THSD7B: variants seen among roughly 807,000 people sequenced by gnomAD.
THSD7B encodes thrombospondin type-1 domain-containing protein 7B.
Under a neutral mutation model 213.6 loss-of-function variants are expected in THSD7B, and 138 were observed. The observed-to-expected ratio is 0.65, with a 90% CI of 0.56 to 0.74. The LOEUF is 0.74. THSD7B is among the 30% of genes least tolerant of loss of function. The pLI is 0.00. For synonymous variants in THSD7B, 742 were observed against 687.0 expected, an observed-to-expected ratio of 1.08 and a Z score of -1.25; for missense variants, 1,931 against 1,991.5, an observed-to-expected ratio of 0.97 and a Z score of 0.58.
chr2:137,024,133 C>T (rs1022071585), intron 2 of THSD7B, among the ~76,000 whole-genome samples: 3 of 152,104 alleles, frequency 2.0e-5, no homozygotes, highest in Admixed American at 2.0e-4. Context: ...CATTTATTTG[C>T]ATTTGTTTTA....
At chr2:137,374,963 C>T (rs1340862671) in intron 12 of THSD7B, among the ~76,000 whole-genome samples, 1 of 152,132 alleles carries the variant, frequency 6.6e-6, no homozygotes, top group Non-Finnish European at 1.5e-5. Flanking sequence ...GTGCTTGGAT[C>T]GTGGACATTG....
intron 12 of THSD7B, among the ~76,000 whole-genome samples, chr2:137,392,421 G>C (rs1291746664): frequency 6.6e-6 from 1 of 151,972 alleles, no homozygotes; most frequent in Non-Finnish European, 1.5e-5. Flanking sequence ...TTATGAATCT[G>C]GGTGTTCCGG....
At chr2:137,161,751 TC>T (rs1238211053) in intron 6 of THSD7B, among the ~76,000 whole-genome samples, 10 of 152,280 alleles carry the variant, frequency 6.6e-5, no homozygotes, top group African/African-American at 2.4e-4. Flanking sequence ...CAAATAAGTT[TC>T]CATTTATACT....
At chr2:137,459,852 G>A (rs1320149003) in intron 15 of THSD7B, among the ~76,000 whole-genome samples, 1 of 152,030 alleles carries the variant, frequency 6.6e-6, no homozygotes, top group Non-Finnish European at 1.5e-5. Context: ...CTGTAGTTCA[G>A]TACACTTAGA....
chr2:137,029,796 C>G (rs10199540), intron 2 of THSD7B, among the ~76,000 whole-genome samples: 10,924 of 152,150 alleles, frequency 0.072, 426 homozygotes, highest in East Asian at 0.15. Context: ...TCCTAAGTTA[C>G]TTGATAATGG....
chr2:136,824,122 G>A (rs144432020), intron 1 of THSD7B, among the ~76,000 whole-genome samples: 2 of 152,036 alleles, frequency 1.3e-5, no homozygotes, highest in Admixed American at 1.3e-4. Flanking sequence ...TTTTCCAAAG[G>A]TACAAAGGCA....
intron 12 of THSD7B, among the ~76,000 whole-genome samples, chr2:137,314,267 T>G (rs1280200191): frequency 6.6e-6 from 1 of 152,200 alleles, no homozygotes. Context: ...TCATCTTCCA[T>G]CACTGATACC....
chr2:137,012,314 T>G (rs1686246705), intron 2 of THSD7B, among the ~76,000 whole-genome samples: 1 of 152,190 alleles, frequency 6.6e-6, no homozygotes, highest in South Asian at 2.1e-4. Context: ...AAATATGGTC[T>G]TCTATTTCAT....
intron 2 of THSD7B, among the ~76,000 whole-genome samples, chr2:136,956,746 C>T (rs1163485993): frequency 6.6e-6 from 1 of 150,940 alleles, no homozygotes; most frequent in Non-Finnish European, 1.5e-5. Context: ...GTTGCACAAT[C>T]TCAGGTCACT....
At chr2:136,998,286 GA>G (rs1380094691) in intron 2 of THSD7B, among the ~76,000 whole-genome samples, 3 of 130,060 alleles carry the variant, frequency 2.3e-5, no homozygotes, top group South Asian at 2.5e-4. Context: ...AAAAAAGAAA[GA>G]AAAAAAGAAA....
At chr2:136,988,664 A>G (rs1311795502) in intron 2 of THSD7B, among the ~76,000 whole-genome samples, 2 of 152,202 alleles carry the variant, frequency 1.3e-5, no homozygotes, top group African/African-American at 4.8e-5. Context: ...GAAGTCTCTC[A>G]TGGATTTCCA....
At chr2:137,422,890 G>A (rs977417014) in intron 14 of THSD7B, among the ~76,000 whole-genome samples, 1 of 152,068 alleles carries the variant, frequency 6.6e-6, no homozygotes, top group Non-Finnish European at 1.5e-5. Flanking sequence ...GAGAAGACAT[G>A]TCTAGGGCCT....
chr2:137,030,784 GA>G (rs1686650929), intron 2 of THSD7B, among the ~76,000 whole-genome samples: 1 of 152,102 alleles, frequency 6.6e-6, no homozygotes, highest in African/African-American at 2.4e-5. Flanking sequence ...GGGGAGGATG[GA>G]AAGGGATGAG....
chr2:137,160,127 G>T, intron 5 of THSD7B, 86 bp from the exon 6 acceptor site: 1 of 1,400,840 alleles, frequency 7.1e-7, no homozygotes, highest in Non-Finnish European at 9.6e-7. Flanking sequence ...TGTTTTATTT[G>T]CAAGACAGGC....
intron 7 of THSD7B, among the ~76,000 whole-genome samples, chr2:137,215,435 A>G (rs1027410119): frequency 6.6e-6 from 1 of 152,154 alleles, no homozygotes; most frequent in African/African-American, 2.4e-5. Flanking sequence ...AAACTGTGAT[A>G]ATCAATTCTC....
intron 15 of THSD7B, among the ~76,000 whole-genome samples, chr2:137,530,751 G>T (rs374578347): frequency 1.3e-5 from 2 of 151,904 alleles, no homozygotes; most frequent in Admixed American, 6.6e-5. Context: ...GAGAAAACAG[G>T]GTTCTGTGAA....
intron 3 of THSD7B, among the ~76,000 whole-genome samples, chr2:137,057,971 T>G (rs1037730288): frequency 6.6e-6 from 1 of 152,236 alleles, no homozygotes; most frequent in Non-Finnish European, 1.5e-5. Flanking sequence ...TCAGAGGGTC[T>G]TAAATGAAGC....
chr2:137,014,495 CACA>C (rs1469632824), intron 2 of THSD7B, among the ~76,000 whole-genome samples: 1 of 152,170 alleles, frequency 6.6e-6, no homozygotes, highest in African/African-American at 2.4e-5. Flanking sequence ...GCTGCTTTTG[CACA>C]ACAACTCAGA....
intron 2 of THSD7B, among the ~76,000 whole-genome samples, chr2:136,922,292 A>G (rs1410793305): frequency 2.0e-5 from 3 of 152,120 alleles, no homozygotes; most frequent in African/African-American, 7.2e-5. Flanking sequence ...ATATATTACA[A>G]TTTGGGACCC....
Sources: gnomAD v4.1 joint callset for allele counts (sites outside exome capture counted in the v4.1 genomes callset) on GRCh38, gnomAD v4.1.1 for gene constraint, MANE v1.5 for transcripts, NCBI Gene and HGNC (gene_info 2026-07-23, HGNC 2026-07-21) for gene names.